The following PCDH9 variants were observed in gnomAD, a reference collection of about 807,000 sequenced individuals.
The protein encoded by PCDH9 is protocadherin 9.
A neutral mutation model predicts 70.6 loss-of-function variants in PCDH9; 24 were observed. That is an observed-to-expected ratio of 0.34 (90% confidence interval 0.25 to 0.48). The LOEUF is 0.48. PCDH9 is among the 20% of genes least tolerant of loss of function. PCDH9 has a pLI of 0.99. For synonymous variants in PCDH9, 562 were observed against 558.5 expected, an observed-to-expected ratio of 1.01 and a Z score of -0.09; for missense variants, 1,281 against 1,503.6, an observed-to-expected ratio of 0.85 and a Z score of 2.45.
At chr13:66,709,879 G>A (rs552661027) in intron 3 of PCDH9, among the ~76,000 whole-genome samples, 4 of 152,078 alleles carry the variant, frequency 2.6e-5, no homozygotes, top group Non-Finnish European at 5.9e-5. Context: ...CATCATTTAA[G>A]AAGAAATATC....
intron 3 of PCDH9, among the ~76,000 whole-genome samples, chr13:66,835,037 G>A (rs990491067): frequency 6.6e-6 from 1 of 152,184 alleles, no homozygotes; most frequent in Admixed American, 6.5e-5. Context: ...ATTTACATAT[G>A]CAGGCTTTAC....
chr13:66,387,610 C>T (rs1956951424), intron 4 of PCDH9, among the ~76,000 whole-genome samples: 2 of 151,814 alleles, frequency 1.3e-5, no homozygotes, highest in Non-Finnish European at 2.9e-5. Context: ...TTCCTCTTGC[C>T]CTGTGATACT....
At chr13:66,412,207 G>A (rs2138325697) in intron 4 of PCDH9, among the ~76,000 whole-genome samples, 1 of 152,240 alleles carries the variant, frequency 6.6e-6, no homozygotes, top group East Asian at 1.9e-4. Context: ...AGTTGTCCAG[G>A]CTGGAGTGCA....
intron 2 of PCDH9, among the ~76,000 whole-genome samples, chr13:67,143,270 A>C (rs2087441446): frequency 6.6e-6 from 1 of 152,130 alleles, no homozygotes; most frequent in Admixed American, 6.6e-5. Context: ...CTTCCTTATA[A>C]ATGCCCCAAA....
At chr13:66,479,665 G>T (rs1958801594) in intron 4 of PCDH9, among the ~76,000 whole-genome samples, 1 of 152,078 alleles carries the variant, frequency 6.6e-6, no homozygotes, top group Non-Finnish European at 1.5e-5. Flanking sequence ...TCAGCAATCT[G>T]TAAAAATGCA....
intron 3 of PCDH9, among the ~76,000 whole-genome samples, chr13:66,677,563 T>C (rs958423682): frequency 2.6e-5 from 4 of 152,076 alleles, no homozygotes; most frequent in Non-Finnish European, 5.9e-5. Context: ...TTTGTGATAG[T>C]GAGTTCTTGC....
At chr13:67,046,101 A>G (rs142804621) in intron 2 of PCDH9, among the ~76,000 whole-genome samples, 72 of 152,282 alleles carry the variant, frequency 4.7e-4, no homozygotes, top group African/African-American at 1.7e-3. Flanking sequence ...GGCCCATGCT[A>G]TTATTCAAAC....
intron 2 of PCDH9, among the ~76,000 whole-genome samples, chr13:66,905,165 C>G (rs1018588223): frequency 1.3e-5 from 2 of 151,796 alleles, no homozygotes; most frequent in Admixed American, 6.6e-5. Flanking sequence ...AAAGGCTTCA[C>G]AGCAGCTTTT....
intron 3 of PCDH9, among the ~76,000 whole-genome samples, chr13:66,875,576 G>A (rs979846527): frequency 9.9e-5 from 15 of 152,106 alleles, no homozygotes; most frequent in Non-Finnish European, 4.4e-5. Context: ...CCATTCCAAT[G>A]TCTATTTCAG....
At position 67,090,839 on chromosome 13, in the gene PCDH9, G is replaced by A. The variant is rs181936395; in HGVS notation, c.3036+134566C>T. On this transcript the variant is annotated intron_variant, in intron 2 of 4. Coordinates refer to ENST00000377865, the MANE Select transcript of PCDH9 (RefSeq NM_203487.3). ...CTAATATAGATATAGATGCTATTTT[G>A]TAGATGAAGAAACGGTGTCGCAGGT... Among the ~76,000 whole-genome samples the A allele has an allele frequency of 9.1e-4, 139 of 152,100 alleles. 3 individuals carry two copies. Among genetic ancestry groups the A allele is most frequent in the East Asian group, 2.7e-3 (14 of 5,174 alleles).
chr13:67,194,690 T>G (rs1003592701), intron 2 of PCDH9, among the ~76,000 whole-genome samples: 9 of 152,270 alleles, frequency 5.9e-5, no homozygotes, highest in Non-Finnish European at 1.3e-4. Flanking sequence ...AATTTGCAGT[T>G]TGAAGTTTCT....
At chr13:66,830,944 A>T (rs1438765605) in intron 3 of PCDH9, among the ~76,000 whole-genome samples, 2 of 152,258 alleles carry the variant, frequency 1.3e-5, no homozygotes, top group East Asian at 3.8e-4. Flanking sequence ...CACAAGTGCC[A>T]TACTGAAAAC....
At chr13:66,596,148 A>C (rs2077100021) in intron 4 of PCDH9, among the ~76,000 whole-genome samples, 1 of 151,662 alleles carries the variant, frequency 6.6e-6, no homozygotes, top group African/African-American at 2.4e-5. Context: ...AAGGTAACTA[A>C]GGAATGAAAA....
chr13:66,464,274 T>C (rs987685037), intron 4 of PCDH9, among the ~76,000 whole-genome samples: 7 of 150,882 alleles, frequency 4.6e-5, no homozygotes, highest in Non-Finnish European at 7.4e-5. Context: ...GTGTGATCAA[T>C]GGCATTCACC....
intron 2 of PCDH9, among the ~76,000 whole-genome samples, chr13:67,175,947 A>T (rs200992749): frequency 1.2e-5 from 1 of 83,380 alleles, no homozygotes; most frequent in African/African-American, 3.2e-5. Context: ...GTAAACCATT[A>T]AAAAAAAAAA....
chr13:66,373,513 T>C (rs1453457014), intron 4 of PCDH9, among the ~76,000 whole-genome samples: 2 of 151,918 alleles, frequency 1.3e-5, no homozygotes, highest in Admixed American at 6.6e-5. Context: ...TTATTGCAAC[T>C]AAATTTTTTA....
intron 3 of PCDH9, among the ~76,000 whole-genome samples, chr13:66,637,391 G>A (rs1458395378): frequency 6.6e-6 from 1 of 152,120 alleles, no homozygotes; most frequent in Non-Finnish European, 1.5e-5. Flanking sequence ...ACCTATGTGT[G>A]TTCATTCTCA....
chr13:66,931,852 C>T (rs1172689838), intron 2 of PCDH9, among the ~76,000 whole-genome samples: 1 of 152,062 alleles, frequency 6.6e-6, no homozygotes, highest in Non-Finnish European at 1.5e-5. Context: ...CCCCCCGACA[C>T]CCAAAACACT....
At chr13:67,104,093 G>GA (rs2086487717) in intron 2 of PCDH9, among the ~76,000 whole-genome samples, 1 of 152,120 alleles carries the variant, frequency 6.6e-6, no homozygotes, top group Non-Finnish European at 1.5e-5. Flanking sequence ...CTCCTGAAAA[G>GA]AATAGGCATG....
Sources: gnomAD v4.1 joint callset for allele counts (sites outside exome capture counted in the v4.1 genomes callset) on GRCh38, gnomAD v4.1.1 for gene constraint, MANE v1.5 for transcripts, NCBI Gene and HGNC (gene_info 2026-07-23, HGNC 2026-07-21) for gene names.